The following ABCA1 variants were observed in gnomAD, a reference collection of about 807,000 sequenced individuals.
The protein encoded by ABCA1 is ATP binding cassette subfamily A member 1.
ABCA1 carries 133 observed loss-of-function variants against 262.5 expected under a neutral mutation model. That is an observed-to-expected ratio of 0.51 (90% CI 0.44 to 0.59). The LOEUF is 0.59. Ranked by LOEUF, ABCA1 falls within the 20% of genes least tolerant of loss-of-function variation. ABCA1 has a pLI of 0.00. For missense variants in ABCA1, 2,452 were observed against 2,777.5 expected (o/e 0.88, Z 2.63); for synonymous variants, 1,022 against 1,043.5 (o/e 0.98, Z 0.40).
intron 5 of ABCA1, among the ~76,000 whole-genome samples, chr9:104,862,654 CGGGCCGGGCCGGGCCGGGCCGGGCCGGG>C (rs1836609481): frequency 1.3e-4 from 1 of 7,514 alleles, no homozygotes; most frequent in African/African-American, 6.6e-4. Flanking sequence ...CGGGCCGGGC[CGGGCCGGGCCGGGCCGGGCCGGGCCGGG>C]CCGGGCCGGG....
chr9:104,813,707 C>T lies in ABCA1; in HGVS notation c.3901+411G>A, dbSNP rs996418897. ...GGATTACTGGCATGAGCCACCATGCCCAGCCTCAAATATCTAAGTCTTAGG... is the reference window on the plus strand; with the variant it reads ...GGATTACTGGCATGAGCCACCATGCTCAGCCTCAAATATCTAAGTCTTAGG... On this transcript the variant is annotated intron_variant, in intron 27 of 49. Transcript: ENST00000374736. Among the ~76,000 whole-genome samples the T allele has an allele frequency of 7.9e-5, 12 of 152,330 alleles. No individual in the cohort carries two copies. In the East Asian group the frequency reaches 2.3e-3, roughly 29 times the overall value.
chr9:104,890,831 A>G (rs958488955), intron 2 of ABCA1, among the ~76,000 whole-genome samples: 1 of 152,234 alleles, frequency 6.6e-6, no homozygotes, highest in African/African-American at 2.4e-5. Context: ...ATAAAAAAAT[A>G]CAGAAAAGTT....
At chr9:104,858,391 G>A in intron 7 of ABCA1, 131 bp downstream of exon 7, 2 of 1,011,766 alleles carry the variant, frequency 2.0e-6, no homozygotes, top group Non-Finnish European at 3.1e-6. Context: ...GAATACCACT[G>A]AACTAAATTA....
At chr9:104,803,183 G>A (rs1830486584) in intron 33 of ABCA1, 101 bp downstream of exon 33, 1 of 1,287,342 alleles carries the variant, frequency 7.8e-7, no homozygotes, top group Non-Finnish European at 1.1e-6. Context: ...GCACCCACAA[G>A]TGTGTGAGTG....
At chr9:104,826,001 A>G (rs1832781293) in intron 16 of ABCA1, 114 bp from the exon 17 acceptor site, 1 of 1,020,372 alleles carries the variant, frequency 9.8e-7, no homozygotes. Context: ...GATCAATCAT[A>G]AGGTGCAGAA....
chr9:104,821,470 G>C lies in ABCA1; in HGVS notation c.2865C>G (p.Gly955=), dbSNP rs369299368. ...ILTGLFPPTS[G]TAYILGKDIR... Reference sequence around the variant, plus strand: ...TGTCTTTTCCCAGGATGTAGGCGGTGCCCGAGGTCGGGGGGAACAACCCGG... The same window carrying C: ...TGTCTTTTCCCAGGATGTAGGCGGTCCCCGAGGTCGGGGGGAACAACCCGG... Residue 955 remains glycine (G), a synonymous_variant, in exon 20 of 50, where the codon GGC becomes GGG. Transcript: ENST00000374736. The C allele has an allele frequency of 6.2e-7, 1 of 1,614,100 alleles. No individual in the cohort carries two copies. Among genetic ancestry groups the C allele is most frequent in the Non-Finnish European group, 8.5e-7 (1 of 1,180,034 alleles).
chr9:104,913,750 A>T (rs1480345035), intron 1 of ABCA1, among the ~76,000 whole-genome samples: 5 of 152,162 alleles, frequency 3.3e-5, no homozygotes, highest in Non-Finnish European at 7.4e-5. Flanking sequence ...CCTATCCTCC[A>T]TAGCACACTG....
chr9:104,895,489 T>C (rs1840113598), intron 2 of ABCA1, among the ~76,000 whole-genome samples: 1 of 151,442 alleles, frequency 6.6e-6, no homozygotes, highest in South Asian at 2.1e-4. Context: ...CCAGATGTTA[T>C]GTCCCTGGTG....
chr9:104,884,341 A>C (rs1838963789), intron 4 of ABCA1, 86 bp downstream of exon 4: 2 of 1,544,768 alleles, frequency 1.3e-6, no homozygotes, highest in Admixed American at 1.7e-5. Context: ...ACTTAAATCC[A>C]GCCATTCAAA....
At position 104,873,347 on chromosome 9, in the gene ABCA1, GA is replaced by G. The variant is rs4149344; in HGVS notation, c.421+9691del. 2.2e-4 allele frequency among the ~76,000 whole-genome samples: 33 copies of G among 152,330 alleles called. No individual in the cohort carries two copies. The East Asian group carries it at 5.2e-3, about 24-fold the overall frequency. ...AACTTTAGCAGCTGCCTGAATGGGT[GA>G]GGGGGTTCAGACAGAAAATGAGAAG... On this transcript the variant is annotated intron_variant, in intron 5 of 49. Transcript: ENST00000374736.
At chr9:104,881,231 A>C (rs966162753) in intron 5 of ABCA1, among the ~76,000 whole-genome samples, 1 of 152,210 alleles carries the variant, frequency 6.6e-6, no homozygotes, top group African/African-American at 2.4e-5. Flanking sequence ...TCTGCTTGAC[A>C]ACTTACCCCC....
At chr9:104,904,403 A>G (rs1840929875) in intron 1 of ABCA1, among the ~76,000 whole-genome samples, 1 of 152,124 alleles carries the variant, frequency 6.6e-6, no homozygotes, top group Non-Finnish European at 1.5e-5. Flanking sequence ...CCCCGTCTCT[A>G]CTAAAAATAC....
intron 5 of ABCA1, among the ~76,000 whole-genome samples, chr9:104,880,820 AGATTTGGCTTCTTCACCACTTAAC>A (rs1838576796): frequency 6.6e-6 from 1 of 152,110 alleles, no homozygotes; most frequent in South Asian, 2.1e-4. Context: ...TTTTAGATAC[AGATTTGGCTTCTTCACCACTTAAC>A]TCATGTCTCC....
At chr9:104,867,392 C>T (rs1339896000) in intron 5 of ABCA1, among the ~76,000 whole-genome samples, 1 of 152,236 alleles carries the variant, frequency 6.6e-6, no homozygotes, top group Non-Finnish European at 1.5e-5. Context: ...CTAATATCAT[C>T]ATCATTTTCA....
chr9:104,787,528 T>C (rs1206379441), intron 46 of ABCA1, among the ~76,000 whole-genome samples: 1 of 152,204 alleles, frequency 6.6e-6, no homozygotes, highest in Non-Finnish European at 1.5e-5. Context: ...CCCAGTCTGA[T>C]CTGTTTTTCA....
Position 104,816,310 on chromosome 9 carries a change from C to G in ABCA1, c.3571G>C (p.Val1191Leu). 1 of 1,614,088 alleles carries G rather than the reference C, an allele frequency of 6.2e-7. No individual in the cohort carries two copies. Among genetic ancestry groups the G allele is most frequent in the Admixed American group, 1.7e-5 (1 of 60,026 alleles). Residue 1191 changes from valine (V) to leucine (L), a missense_variant, in exon 25 of 50, where the codon GTG becomes CTG. Physicochemically the swap from Val to Leu is conservative, Grantham distance 32. Coordinates refer to ENST00000374736, the MANE Select transcript of ABCA1 (RefSeq NM_005502.4). ...SAISNLIRKH[V>L]SEARLVEDIG... is the part of the protein sequence containing the mutation. ...TCTTCCACCAGCCGGGCTTCAGACA[C>G]ATGCTTCCTGATGAGGTTGGAGATA... is the stretch of plus-strand genomic sequence containing the variant.
At chr9:104,814,259 CTTTAT>C in intron 26 of ABCA1, 28 bp from the exon 27 acceptor site, 1 of 1,610,482 alleles carries the variant, frequency 6.2e-7, no homozygotes, top group African/African-American at 1.3e-5. Flanking sequence ...GAATCCCATA[CTTTAT>C]TTTATTTACA....
At chr9:104,867,216 A>T (rs765678740) in intron 5 of ABCA1, among the ~76,000 whole-genome samples, 2 of 152,186 alleles carry the variant, frequency 1.3e-5, no homozygotes, top group Non-Finnish European at 2.9e-5. Context: ...TGGCAGCTAG[A>T]AGCAGAGTGG....
intron 7 of ABCA1, among the ~76,000 whole-genome samples, chr9:104,851,508 A>G (rs926235491): frequency 6.6e-6 from 1 of 152,154 alleles, no homozygotes; most frequent in Non-Finnish European, 1.5e-5. Context: ...CTCTGGACCA[A>G]TGCATATACT....
Sources: allele counts gnomAD v4.1 joint callset (sites outside exome capture counted in the v4.1 genomes callset), GRCh38; gene constraint gnomAD v4.1.1; transcripts MANE v1.5; gene names NCBI Gene and HGNC (gene_info 2026-07-23, HGNC 2026-07-21).